Variants in AHI1 observed in about 807,000 individuals in gnomAD.
The protein encoded by AHI1 is Abelson helper integration site 1, also known as jouberin.
AHI1 carries 123 observed loss-of-function variants against 149.3 expected under a neutral mutation model. The ratio of observed to expected loss-of-function variants is 0.82; its 90% CI spans 0.71 to 0.96. The LOEUF (loss-of-function observed/expected upper bound fraction) is 0.96. Among genes scored for constraint, AHI1 ranks in the 40% least tolerant of loss-of-function variants. AHI1 has a pLI of 0.00. For synonymous variants in AHI1, 475 were observed against 459.8 expected, an observed-to-expected ratio of 1.03 and a Z score of -0.42; for missense variants, 1,439 against 1,422.7, an observed-to-expected ratio of 1.01 and a Z score of -0.18.
intron 5 of AHI1, among the ~76,000 whole-genome samples, chr6:135,485,200 A>T (rs933424000): frequency 6.6e-6 from 1 of 151,956 alleles, no homozygotes; most frequent in African/African-American, 2.4e-5. Context: ...CAGCCACTCA[A>T]GTAGCTGGGA....
At chr6:135,383,384 A>G (rs1777144749) in intron 23 of AHI1, among the ~76,000 whole-genome samples, 1 of 151,750 alleles carries the variant, frequency 6.6e-6, no homozygotes, top group Non-Finnish European at 1.5e-5. Context: ...GGCATGTGCC[A>G]CCACTCCTGG....
chr6:135,440,692 T>C (rs960670933), intron 14 of AHI1, among the ~76,000 whole-genome samples: 37 of 152,126 alleles, frequency 2.4e-4, no homozygotes, highest in African/African-American at 8.7e-4. Context: ...TATTTAAAAA[T>C]CTCTGTCTAA....
intron 24 of AHI1, among the ~76,000 whole-genome samples, chr6:135,357,458 TA>T (rs1232432191): frequency 1.3e-5 from 2 of 152,350 alleles, no homozygotes; most frequent in South Asian, 2.1e-4. Context: ...CTTCTGGTCC[TA>T]AGCATTTTGG....
chr6:135,326,019 T>A (rs1253493817), intron 24 of AHI1, among the ~76,000 whole-genome samples: 3 of 152,220 alleles, frequency 2.0e-5, no homozygotes, highest in African/African-American at 7.2e-5. Flanking sequence ...AAAAAGCCTA[T>A]GAGAGCCCAC....
intron 14 of AHI1, among the ~76,000 whole-genome samples, chr6:135,441,244 A>G (rs189481249): frequency 6.6e-6 from 1 of 152,304 alleles, no homozygotes; most frequent in Non-Finnish European, 1.5e-5. Flanking sequence ...TGAAAGAATT[A>G]CTAAATTTGA....
At chr6:135,427,822 G>A (rs1281967540) in intron 19 of AHI1, among the ~76,000 whole-genome samples, 1 of 151,240 alleles carries the variant, frequency 6.6e-6, no homozygotes, top group Non-Finnish European at 1.5e-5. Context: ...GTAGAGATCT[G>A]TGGAATCCAG....
At chr6:135,446,327 G>A (rs1394930002) in intron 13 of AHI1, among the ~76,000 whole-genome samples, 1 of 152,178 alleles carries the variant, frequency 6.6e-6, no homozygotes, top group East Asian at 1.9e-4. Flanking sequence ...ACAGGGGCGT[G>A]CATGCACAAA....
In AHI1 at chr6:135,495,857, T is replaced by G. The variant is rs981808904; in HGVS notation, c.-98A>C. 2 of 152,190 alleles carry G rather than the reference T, an allele frequency of 1.3e-5. No homozygotes were observed. Among genetic ancestry groups the G allele is most frequent in the African/African-American group, 2.4e-5 (1 of 41,454 alleles). 9.4% of individuals were successfully genotyped at this position (152,190 alleles called of 1,614,324 possible). On this transcript the variant is annotated 5_prime_UTR_variant, in exon 3 of 29. Transcript: ENST00000265602. The stretch of plus-strand genomic sequence containing the variant: ...AAGCTACTTAATTTCTAATCCTTGG[T>G]TTTTCCTTGTCTGGGAATTTAAAAT...
chr6:135,356,322 G>C (rs1219015618), intron 24 of AHI1, among the ~76,000 whole-genome samples: 4 of 151,904 alleles, frequency 2.6e-5, no homozygotes, highest in African/African-American at 4.8e-5. Flanking sequence ...CTTCTCCTAA[G>C]CCCTTTAAAG....
chr6:135,448,637 T>G (rs1347171347), intron 11 of AHI1, among the ~76,000 whole-genome samples, 162 bp from the exon 12 acceptor site: 1 of 152,224 alleles, frequency 6.6e-6, no homozygotes, highest in Non-Finnish European at 1.5e-5. Context: ...TTAAGCACAC[T>G]TCCAGATCAT....
intron 2 of AHI1, 127 bp from the exon 3 acceptor site, chr6:135,496,025 C>G (rs1258657756): frequency 6.6e-6 from 1 of 152,040 alleles, no homozygotes. Context: ...AAATCATATA[C>G]TTATTTACTA....
At position 135,471,778 on chromosome 6, in the gene AHI1, C is replaced by T. The variant is rs577955134; in HGVS notation, c.136-4144G>A. 1.7e-4 allele frequency among the ~76,000 whole-genome samples: 26 copies of T among 150,654 alleles called. No homozygotes were observed. In the South Asian group the frequency reaches 3.4e-3, roughly 19 times the overall value. On this transcript the variant is annotated intron_variant, in intron 5 of 28. Coordinates refer to ENST00000265602, the MANE Select transcript of AHI1 (RefSeq NM_001134831.2). The stretch of plus-strand genomic sequence containing the variant: ...CTGTAATCCCAGCACTTTGGGAGGC[C>T]GAGGCGGGTGGATCATGAGGTCAGG...
intron 23 of AHI1, among the ~76,000 whole-genome samples, chr6:135,392,197 A>G (rs1356971158): frequency 6.6e-6 from 1 of 152,198 alleles, no homozygotes; most frequent in African/African-American, 2.4e-5. Context: ...AGAGACTGTA[A>G]CATTTACTCC....
intron 26 of AHI1, chr6:135,301,595 G>T (rs892457857): frequency 1.0e-6 from 1 of 985,182 alleles, no homozygotes; most frequent in African/African-American, 1.7e-5. Context: ...TGCTTTTCTG[G>T]ACCATAATTA....
intron 15 of AHI1, among the ~76,000 whole-genome samples, chr6:135,435,471 T>C (rs529922527): frequency 1.3e-5 from 2 of 152,120 alleles, no homozygotes; most frequent in Admixed American, 6.5e-5. Context: ...GAAGGTCATT[T>C]AAGTATAGGA....
chr6:135,395,808 AATG>A (rs1779135940), intron 22 of AHI1, among the ~76,000 whole-genome samples: 1 of 151,828 alleles, frequency 6.6e-6, no homozygotes, highest in Non-Finnish European at 1.5e-5. Flanking sequence ...AAATAAACAA[AATG>A]ATAATTTATG....
intron 8 of AHI1, among the ~76,000 whole-genome samples, chr6:135,461,012 G>T (rs1391981294): frequency 6.6e-6 from 1 of 150,816 alleles, no homozygotes; most frequent in Non-Finnish European, 1.5e-5. Context: ...CAGAACTTAG[G>T]AAAGATTTCT....
chr6:135,362,466 T>C (rs901697279), intron 23 of AHI1, among the ~76,000 whole-genome samples: 5 of 152,152 alleles, frequency 3.3e-5, no homozygotes, highest in African/African-American at 1.2e-4. Context: ...ATAGTGGTTG[T>C]ACTAGTTCAT....
chr6:135,294,287 T>C (rs1231014181), intron 27 of AHI1, among the ~76,000 whole-genome samples: 2 of 151,948 alleles, frequency 1.3e-5, no homozygotes, highest in South Asian at 2.1e-4. Context: ...GATCATGCCA[T>C]TGCACTCCAG....
Sources: allele counts gnomAD v4.1 joint callset (sites outside exome capture counted in the v4.1 genomes callset), GRCh38; gene constraint gnomAD v4.1.1; transcripts MANE v1.5; gene names NCBI Gene and HGNC (gene_info 2026-07-23, HGNC 2026-07-21).